Variants in GCAT observed in about 807,000 individuals in gnomAD.
GCAT encodes the protein 2-amino-3-ketobutyrate coenzyme A ligase, mitochondrial.
In GCAT, 26 loss-of-function variants were observed where a neutral mutation model predicts 39.7. The ratio of observed to expected loss-of-function variants is 0.65; its 90% CI spans 0.48 to 0.91. The LOEUF is 0.91. Ranked by LOEUF, GCAT falls within the 40% of genes least tolerant of loss-of-function variation. The probability of loss-of-function intolerance (pLI) is 0.00; values close to 1 mark genes in which losing one functional copy is unlikely to be tolerated. For synonymous variants in GCAT, 218 were observed against 237.2 expected (o/e 0.92, Z 0.74); for missense variants, 550 against 576.2 (o/e 0.95, Z 0.47).
chr22:37,815,202 G>C lies in GCAT; in HGVS notation c.653G>C (p.Cys218Ser), dbSNP rs1922026194. The change falls in exon 5 of 9, where the codon TGC becomes TCC. Residue 218 changes from cysteine to serine, a missense_variant. Cys to Ser is a moderately radical substitution (Grantham distance 112). This residue lies in a region of GCAT where 378 missense variants were observed against 390.4 expected (regional missense o/e 0.97). Coordinates refer to ENST00000248924, the MANE Select transcript of GCAT (RefSeq NM_014291.4). ...DGDIAPLQEI[C>S]CLASRYGALV... ...GACATCGCACCCCTGCAGGAGATCT[G>C]CTGCCTCGCCTCTAGATATGGTGCC... 1.9e-6 allele frequency: 3 copies of C among 1,613,950 alleles called. No individual in the cohort carries two copies. In the Admixed American group the frequency reaches 5.0e-5, roughly 27 times the overall value.
At chr22:37,815,080 G>C (rs1922004546) in intron 4 of GCAT, 46 bp from the exon 5 acceptor site, 3 of 1,599,528 alleles carry the variant, frequency 1.9e-6, no homozygotes, top group Non-Finnish European at 2.6e-6. Flanking sequence ...CGGGTGGTTT[G>C]GCCCAACTTG....
chr22:37,813,767 CTTTT>C (rs918287366), intron 4 of GCAT, among the ~76,000 whole-genome samples, 158 bp downstream of exon 4: 13 of 146,138 alleles, frequency 8.9e-5, no homozygotes, highest in African/African-American at 3.2e-4. Flanking sequence ...GAGCATTATT[CTTTT>C]TTTTTTTTCC....
chr22:37,814,813 C>T (rs560093065), intron 4 of GCAT, among the ~76,000 whole-genome samples: 12 of 152,216 alleles, frequency 7.9e-5, no homozygotes, highest in Non-Finnish European at 1.6e-4. Context: ...GTGGCAGGCC[C>T]TTGCTAGGCA....
chr22:37,813,723 T>A, intron 4 of GCAT, 114 bp downstream of exon 4: 1 of 971,024 alleles, frequency 1.0e-6, no homozygotes. Flanking sequence ...AGCAGAGATT[T>A]GTCCAAGATG....
intron 8 of GCAT, 33 bp from the exon 9 acceptor site, chr22:37,816,534 G>A (rs753407297): frequency 6.2e-7 from 1 of 1,612,760 alleles, no homozygotes; most frequent in South Asian, 1.1e-5. Flanking sequence ...AAGCCTGTTG[G>A]TTCTGGCACG....
At chr22:37,811,887 A>AG (rs1921639501) in intron 2 of GCAT, among the ~76,000 whole-genome samples, 1 of 151,658 alleles carries the variant, frequency 6.6e-6, no homozygotes, top group East Asian at 1.9e-4. Flanking sequence ...AAAAAAAAAA[A>AG]AAAAGAACAT....
At chr22:37,816,903 T>C, downstream of GCAT, 9 of 612,398 alleles carry the variant, frequency 1.5e-5, no homozygotes, top group Middle Eastern at 4.5e-4. Flanking sequence ...TGTGACACTC[T>C]GGTCTGCTTT....
intron 2 of GCAT, 71 bp downstream of exon 2, chr22:37,810,228 G>T: frequency 2.5e-6 from 3 of 1,181,084 alleles, no homozygotes; most frequent in Middle Eastern, 2.0e-4. Context: ...AGCAAGGCTG[G>T]TTTAGCCAGC....
chr22:37,809,008 A>G (rs923708356), intron 1 of GCAT, among the ~76,000 whole-genome samples: 2 of 152,268 alleles, frequency 1.3e-5, no homozygotes, highest in South Asian at 4.1e-4. Context: ...CACTCTAACC[A>G]GTGGTTACAC....
In GCAT at chr22:37,813,228, A is replaced by T. The variant is rs1462172736; in HGVS notation, c.430-235A>T. The T allele has an allele frequency of 1.1e-5, 7 of 660,910 alleles. No individual in the cohort carries two copies. The Admixed American group carries it at 1.6e-4, about 15-fold the overall frequency. The allele number at this position is 660,910 out of a possible 1,614,324, so 40.9% of individuals were successfully genotyped here. ...GCTACATCAGCTGGAAGGCTGGGGGAGGCGGGGGCCTGGTACTCACCAAAT... is the reference window on the plus strand; with the variant it reads ...GCTACATCAGCTGGAAGGCTGGGGGTGGCGGGGGCCTGGTACTCACCAAAT... On this transcript the variant is annotated intron_variant, in intron 3 of 8. Coordinates refer to ENST00000248924, the MANE Select transcript of GCAT (RefSeq NM_014291.4).
In GCAT at chr22:37,815,520, C is replaced by A; in HGVS notation, c.814+20C>A. On this transcript the variant is annotated intron_variant, in intron 6 of 8. Transcript: ENST00000248924. ...CATCAGGTACCTGCAAGGTTGTGTCCCTGGGGTCCCCTTGTCCTTTTGAAG... is the reference window on the plus strand; with the variant it reads ...CATCAGGTACCTGCAAGGTTGTGTCACTGGGGTCCCCTTGTCCTTTTGAAG... The A allele has an allele frequency of 6.3e-7, 1 of 1,586,300 alleles. No individual in the cohort carries two copies. Among genetic ancestry groups the A allele is most frequent in the Non-Finnish European group, 8.6e-7 (1 of 1,161,088 alleles).
Position 37,815,275 on chromosome 22 carries a change from A to G in GCAT, c.726A>G (p.Thr242=), listed in dbSNP as rs1922037607. The stretch of plus-strand genomic sequence containing the variant: ...ATGCCACTGGCTTCCTGGGGCCCAC[A>G]GGACGGTGGGACCATGTGGCACCTG... ...ECHATGFLGP[T]GRGTDELLGV... Residue 242 remains threonine (T), a synonymous_variant, in exon 5 of 9, where the codon ACA becomes ACG. Coordinates refer to ENST00000248924, the MANE Select transcript of GCAT (RefSeq NM_014291.4). The G allele has an allele frequency of 1.2e-6, 2 of 1,613,500 alleles. No homozygotes were observed. The highest frequency in any genetic ancestry group is 1.7e-6 in the Non-Finnish European group (2 of 1,179,754).
intron 1 of GCAT, among the ~76,000 whole-genome samples, chr22:37,809,140 G>T (rs1921293443): frequency 6.6e-6 from 1 of 152,230 alleles, no homozygotes; most frequent in South Asian, 2.1e-4. Flanking sequence ...TAAAACAGAG[G>T]TCCCAGGTAA....
At chr22:37,809,906 A>G (rs1921380639) in intron 1 of GCAT, 121 bp from the exon 2 acceptor site, 2 of 1,319,604 alleles carry the variant, frequency 1.5e-6, no homozygotes, top group Non-Finnish European at 2.1e-6. Flanking sequence ...TGCCTCCTCA[A>G]TGGTGACTCC....
chr22:37,810,077 G>A lies in GCAT; in HGVS notation c.247G>A (p.Glu83Lys). ...NNYLGLSSHP[E>K]VIQAGLQALE... ...CTACCTGGGCCTGAGCAGCCACCCT[G>A]AGGTGATCCAGGCAGGTCTGCAGGC... The change falls in exon 2 of 9, where the codon GAG (glutamate) becomes AAG (lysine). Residue 83 changes from glutamate (E) to lysine (K), a missense_variant. Glu to Lys is a moderately conservative substitution (Grantham distance 56, BLOSUM62 1). Transcript: ENST00000248924. The A allele has an allele frequency of 6.2e-7, 1 of 1,614,226 alleles. No homozygotes were observed. Among genetic ancestry groups the A allele is most frequent in the Non-Finnish European group, 8.5e-7 (1 of 1,180,018 alleles).
intron 1 of GCAT, among the ~76,000 whole-genome samples, chr22:37,809,137 G>A (rs1336555977): frequency 2.0e-5 from 3 of 152,242 alleles, no homozygotes; most frequent in African/African-American, 7.2e-5. Context: ...TTGTAAAACA[G>A]AGGTCCCAGG....
chr22:37,816,709 A>G lies in GCAT; in HGVS notation c.1251A>G (p.Ala417=), dbSNP rs766855766. 2 of 1,613,852 alleles carry G rather than the reference A, an allele frequency of 1.2e-6. No homozygotes were observed. The highest frequency in any genetic ancestry group is 2.7e-5 in the African/African-American group (2 of 74,942). The change falls in exon 9 of 9, where the codon GCA becomes GCG. Residue 417 remains alanine, a synonymous_variant. Transcript: ENST00000248924. The stretch of plus-strand genomic sequence containing the variant: ...TGGAAGTGGGGCGACTGCACGGGGC[A>G]CTGCCCTGAGCTCTGGGTAAGGACG... The part of the protein sequence containing the change: ...AFVEVGRLHG[A]LP
intron 4 of GCAT, 89 bp from the exon 5 acceptor site, chr22:37,815,037 A>G (rs1258013079): frequency 7.5e-7 from 1 of 1,332,466 alleles, no homozygotes; most frequent in East Asian, 2.3e-5. Flanking sequence ...ACTGGGCAGG[A>G]TGAGCTCTCA....
In GCAT at chr22:37,815,755, G is replaced by C. The variant is rs140792968; in HGVS notation, c.907G>C (p.Val303Leu). Residue 303 changes from valine to leucine, a missense_variant, in exon 7 of 9, where the codon GTT (valine) becomes CTT (leucine). By Grantham distance (32) the Val-to-Leu change is conservative. Transcript: ENST00000248924. ...LFSNSLPPAV[V>L]GCASKALDLL... The stretch of plus-strand genomic sequence containing the variant: ...CTCCAACAGTCTGCCACCTGCTGTC[G>C]TTGGCTGCGCCTCCAAGGCCCTAGA... The C allele has an allele frequency of 3.1e-6, 5 of 1,613,824 alleles. No homozygotes were observed. Among genetic ancestry groups the C allele is most frequent in the Non-Finnish European group, 4.2e-6 (5 of 1,179,888 alleles).
Sources: gnomAD v4.1 joint callset for allele counts (sites outside exome capture counted in the v4.1 genomes callset) on GRCh38, gnomAD v4.1.1 for gene constraint, gnomAD v4.1.1 regional missense constraint, MANE v1.5 for transcripts, NCBI Gene and HGNC (gene_info 2026-07-23, HGNC 2026-07-21) for gene names.